PLEC: variants seen among roughly 807,000 people sequenced by gnomAD.
PLEC encodes hemidesmosomal protein 1.
In PLEC, 216 loss-of-function variants were observed where a neutral mutation model predicts 392.8. The ratio of observed to expected loss-of-function variants is 0.55; its 90% CI spans 0.49 to 0.62. PLEC has a LOEUF of 0.62. Ranked by LOEUF, PLEC falls within the 20% of genes least tolerant of loss-of-function variation. PLEC has a pLI of 0.00. For missense variants in PLEC, 6,863 were observed against 6,563.4 expected (o/e 1.05, Z -1.58); for synonymous variants, 3,621 against 2,980.6 (o/e 1.21, Z -7.00).
chr8:143,923,263 C>T lies in PLEC; in HGVS notation c.6666G>A (p.Gln2222=), dbSNP rs781836245. 6.2e-7 allele frequency: 1 copy of T among 1,606,446 alleles called. No homozygotes were observed. The highest frequency in any genetic ancestry group is 8.5e-7 in the Non-Finnish European group (1 of 1,179,882). The change falls in exon 31 of 32, where the codon CAG becomes CAA. Residue 2222 remains glutamine, a synonymous_variant. Transcript: ENST00000345136. ...LKAEATEAAR[Q]RSQVEEELFS... ...AGAGCTCCTCCTCCACCTGGCTGCG[C>T]TGGCGTGCGGCCTCCGTGGCCTCCG...
At chr8:143,954,768 C>G (rs1172873274), upstream of PLEC, among the ~76,000 whole-genome samples, 1 of 152,186 alleles carries the variant, frequency 6.6e-6, no homozygotes, top group Non-Finnish European at 1.5e-5. The surrounding 1 kb of genome is among the most constrained non-coding windows in gnomAD (Gnocchi z 4.6). Context: ...CCAGGGCACC[C>G]CTTCAACACT....
chr8:143,950,363 T>TG lies in PLEC; in HGVS notation c.343dup (p.His115ProfsTer32), dbSNP rs782040592. 15 of 1,589,978 alleles carry TG rather than the reference T, an allele frequency of 9.4e-6. No homozygotes were observed. Among genetic ancestry groups the TG allele is most frequent in the African/African-American group, 8.0e-5 (6 of 74,686 alleles). On this transcript the variant is annotated frameshift_variant, in exon 1 of 32. Coordinates refer to the PLEC transcript ENST00000322810. LOFTEE classifies it high-confidence loss of function. Reference sequence around the variant, plus strand: ...CAGGGGACCCTGCACAGCCTGCACGTGGGGGGTGCGGCGTGCGGGCATCAC... The same window carrying TG: ...CAGGGGACCCTGCACAGCCTGCACGTGGGGGGGTGCGGCGTGCGGGCATCAC...
chr8:143,926,661 C>T (rs913561237), intron 30 of PLEC, 123 bp downstream of exon 30: 25 of 843,914 alleles, frequency 3.0e-5, no homozygotes, highest in Middle Eastern at 3.3e-4. Context: ...GTGCTGGCAG[C>T]GCCAGTGGGG....
intron 1 of PLEC, among the ~76,000 whole-genome samples, chr8:143,961,251 A>G (rs142405613): frequency 0.045 from 6,782 of 151,140 alleles, 546 homozygotes; most frequent in African/African-American, 0.16. Context: ...TTTGAGACAG[A>G]GTCTTGCCCT....
chr8:143,931,569 C>T lies in PLEC; in HGVS notation c.2269G>A (p.Val757Ile), dbSNP rs782595372. 29 of 1,596,720 alleles carry T rather than the reference C, an allele frequency of 1.8e-5. No individual in the cohort carries two copies. The highest frequency in any genetic ancestry group is 2.7e-5 in the African/African-American group (2 of 74,606). The change falls in exon 19 of 32, where the codon GTC becomes ATC. Residue 757 changes from valine (V) to isoleucine (I), a missense_variant. Coordinates refer to ENST00000345136, the MANE Select transcript of PLEC (RefSeq NM_201384.3). ...RKYSCDRSAT[V>I]TRLEDLLQDA... ...TGCAGCAGGTCCTCCAGCCGGGTGA[C>T]GGTGGCGGAGCGATCACAACTGTAT...
At chr8:143,922,426 G>A (rs781785839) in intron 31 of PLEC, 31 bp from the exon 32 acceptor site, 14 of 1,600,366 alleles carry the variant, frequency 8.7e-6, no homozygotes, top group African/African-American at 2.7e-5. Context: ...ATCAGGGACC[G>A]CCAGCCCAGG....
At chr8:143,926,243 C>T (rs1554705124) in intron 30 of PLEC, among the ~76,000 whole-genome samples, 1 of 152,228 alleles carries the variant, frequency 6.6e-6, no homozygotes, top group Non-Finnish European at 1.5e-5. Flanking sequence ...ACCAGTGGGC[C>T]TGGCTCCCAC....
rs782163290 is a variant in PLEC at position 143,920,100 on chromosome 8, C to T, written c.9721G>A (p.Val3241Ile). Residue 3241 changes from valine (V) to isoleucine (I), a missense_variant, in exon 32 of 32, where the codon GTC (valine) becomes ATC (isoleucine). By Grantham distance (29) the Val-to-Ile change is conservative. Coordinates refer to ENST00000345136, the MANE Select transcript of PLEC (RefSeq NM_201384.3). The stretch of plus-strand genomic sequence containing the variant: ...CTGCCCTTGAAGCCACCCACGGGGA[C>T]CTCAACCGGGGTCTTTTCAAAGGTC... Reference protein sequence around the residue: ...RETFEKTPVEVPVGGFKGRTV... With the variant: ...RETFEKTPVEIPVGGFKGRTV... The T allele has an allele frequency of 3.1e-6, 5 of 1,613,142 alleles. No individual in the cohort carries two copies. The highest frequency in any genetic ancestry group is 2.2e-5 in the East Asian group (1 of 44,890).
exon 1 of PLEC, chr8:143,950,873 G>T: frequency 1.5e-6 from 2 of 1,379,230 alleles, no homozygotes; most frequent in African/African-American, 1.5e-5. Flanking sequence ...GAGGGCGCGG[G>T]CTCCCGGCTG....
exon 1 of PLEC, chr8:143,950,772 G>C: frequency 6.5e-7 from 1 of 1,531,916 alleles, no homozygotes; most frequent in South Asian, 1.2e-5. Flanking sequence ...GAGAAGGCCC[G>C]GGGCGCTGCG....
Position 143,973,316 on chromosome 8 carries a change from G to A in PLEC, c.70+87C>T. 1.3e-6 allele frequency: 2 copies of A among 1,497,126 alleles called. No individual in the cohort carries two copies. Among genetic ancestry groups the A allele is most frequent in the South Asian group, 1.2e-5 (1 of 82,334 alleles). The allele number at this position is 1,497,126 out of a possible 1,614,324, so 92.7% of individuals were successfully genotyped here. A position where few individuals can be genotyped will look rare whatever the true frequency, so the allele number is the denominator to read the frequency against. On this transcript the variant is annotated intron_variant, in intron 1 of 31. Transcript: ENST00000356346. This position sits in a 1 kb window ranked among gnomAD's most constrained non-coding sequence, Gnocchi z 5.6. ...GCGGAGTGGCCGCGCTCGGGCCGGCGATCGGGACCGCCACCGTGGACGACA... is the reference window on the plus strand; with the variant it reads ...GCGGAGTGGCCGCGCTCGGGCCGGCAATCGGGACCGCCACCGTGGACGACA...
Position 143,930,030 on chromosome 8 carries a change from A to G in PLEC, c.2645T>C (p.Leu882Pro). ...LEAQHQALVT[L>P]WHQLHVDMKS... ...CATGTCCACGTGCAACTGGTGCCAC[A>G]GCGTGACCAGGGCCTGGTGCTGGGC... Residue 882 changes from leucine to proline, a missense_variant, in exon 22 of 32, where the codon CTG becomes CCG. Transcript: ENST00000345136. The G allele has an allele frequency of 2.5e-6, 4 of 1,612,084 alleles. No homozygotes were observed. Among genetic ancestry groups the G allele is most frequent in the Non-Finnish European group, 3.4e-6 (4 of 1,179,784 alleles).
At position 143,932,967 on chromosome 8, in the gene PLEC, A is replaced by G. The variant is rs782396898; in HGVS notation, c.1563T>C (p.Thr521=). 17 of 1,612,396 alleles carry G rather than the reference A, an allele frequency of 1.1e-5. No homozygotes were observed. The South Asian group carries it at 1.6e-4, about 16-fold the overall frequency. ...VQRRPELEDS[T]LRYLQDLLAW... Reference sequence around the variant, plus strand: ...CCAGCAGGTCCTGCAGGTAGCGCAGAGTGGAGTCCTCCAGCTCGGGGCGCC... The same window carrying G: ...CCAGCAGGTCCTGCAGGTAGCGCAGGGTGGAGTCCTCCAGCTCGGGGCGCC... Residue 521 remains threonine, a synonymous_variant, in exon 14 of 32, where the codon ACT becomes ACC. Coordinates refer to ENST00000345136, the MANE Select transcript of PLEC (RefSeq NM_201384.3).
chr8:143,924,240 G>A lies in PLEC; in HGVS notation c.5689C>T (p.Gln1897Ter). 1 of 1,598,300 alleles carries A rather than the reference G, an allele frequency of 6.3e-7. No homozygotes were observed. Residue 1897 changes from glutamine to a stop codon, truncating the protein, a stop_gained, in exon 31 of 32, where the codon CAG (glutamine) becomes TAG (stop). Coordinates refer to ENST00000345136, the MANE Select transcript of PLEC (RefSeq NM_201384.3). LOFTEE classifies it high-confidence loss of function. ...TCGCTGTCCGATGCCTTGCGCAGCTGGGCCAGGCGCTCCTCGATGTCAGCC... is the reference window on the plus strand; with the variant it reads ...TCGCTGTCCGATGCCTTGCGCAGCTAGGCCAGGCGCTCCTCGATGTCAGCC... ...HKADIEERLAQLRKASDSELE... is the reference protein window; with the variant it reads ...HKADIEERLA
rs782740422 is a variant in PLEC at position 143,929,544 on chromosome 8, C to T, written c.2951G>A (p.Arg984His). ...QGAQEESRCQ[R>H]CISELKDIRL... ...GATGTCTTTGAGCTCGGAGATGCAG[C>T]GCTGGCAGCGAGACTCTTCCTGTGC... Residue 984 changes from arginine (R) to histidine (H), a missense_variant, in exon 24 of 32, where the codon CGC (arginine) becomes CAC (histidine). Physicochemically the swap from Arg to His is conservative, Grantham distance 29. Transcript: ENST00000345136. 4.6e-5 allele frequency: 74 copies of T among 1,612,466 alleles called. No homozygotes were observed. The Admixed American group carries it at 5.3e-4, about 12-fold the overall frequency.
At chr8:143,943,746 C>G (rs1830934429), upstream of PLEC, 1 of 1,600,910 alleles carries the variant, frequency 6.2e-7, no homozygotes. Flanking sequence ...TCTGCCCCGC[C>G]TCGAGTCCCT....
chr8:143,924,741 G>C lies in PLEC; in HGVS notation c.5188C>G (p.Gln1730Glu). The change falls in exon 31 of 32, where the codon CAG becomes GAG. Residue 1730 changes from glutamine to glutamate, a missense_variant. By Grantham distance (29) the Gln-to-Glu change is conservative. Coordinates refer to ENST00000345136, the MANE Select transcript of PLEC (RefSeq NM_201384.3). Reference sequence around the variant, plus strand: ...CGGGCCAGCTCCTCCTCCAGCAGCTGCCGCTGCTGCTCCCCCTGCTCCGTC... The same window carrying C: ...CGGGCCAGCTCCTCCTCCAGCAGCTCCCGCTGCTGCTCCCCCTGCTCCGTC... ...AETEQGEQQRQLLEEELARLQ... is the reference protein window; with the variant it reads ...AETEQGEQQRELLEEELARLQ... The C allele has an allele frequency of 6.5e-7, 1 of 1,534,832 alleles. No homozygotes were observed. The highest frequency in any genetic ancestry group is 8.7e-7 in the Non-Finnish European group (1 of 1,146,198).
At position 143,946,153 on chromosome 8, in the gene PLEC, G is replaced by A. The variant is rs531203062; in HGVS notation, c.523+4031C>T. Among the ~76,000 whole-genome samples the A allele has an allele frequency of 6.6e-5, 10 of 152,338 alleles. No individual in the cohort carries two copies. In the East Asian group the frequency reaches 1.2e-3, roughly 18 times the overall value. ...GCGGGCAGTTCTTCTACCACTCCAC[G>A]GAGGTCCGGACAGGCCTGTGCTTCC... On this transcript the variant is annotated intron_variant, in intron 1 of 31. Coordinates refer to the PLEC transcript ENST00000322810.
intron 2 of PLEC, 162 bp downstream of exon 2, chr8:143,938,469 G>A (rs1587219470): frequency 3.9e-6 from 6 of 1,547,036 alleles, no homozygotes; most frequent in East Asian, 2.4e-5. Flanking sequence ...AGAGAGGCAG[G>A]AGCAGGCGTA....
Sources: gnomAD v4.1 joint callset for allele counts (sites outside exome capture counted in the v4.1 genomes callset) on GRCh38, gnomAD v4.1.1 for gene constraint, Gnocchi (gnomAD v3.1) non-coding constraint, MANE v1.5 for transcripts, NCBI Gene and HGNC (gene_info 2026-07-23, HGNC 2026-07-21) for gene names.